The following NUDC variants were observed in gnomAD, a reference collection of about 807,000 sequenced individuals.
NUDC encodes the protein nuclear migration protein nudC.
Under a neutral mutation model 45.0 loss-of-function variants are expected in NUDC, and 14 were observed. The ratio of observed to expected loss-of-function variants is 0.31; its 90% CI spans 0.21 to 0.49. The LOEUF is 0.49. NUDC is among the 20% of genes least tolerant of loss of function. The probability of loss-of-function intolerance (pLI) is 0.99; values close to 1 mark genes in which losing one functional copy is unlikely to be tolerated. For missense variants in NUDC, 323 were observed against 426.2 expected (o/e 0.76, Z 2.13); for synonymous variants, 153 against 156.7 (o/e 0.98, Z 0.17).
upstream of NUDC, chr1:26,900,224 A>G: frequency 6.2e-7 from 1 of 1,614,198 alleles, no homozygotes; most frequent in Non-Finnish European, 8.5e-7. Flanking sequence ...GCTGGCCCTC[A>G]GCGGCTGGGT....
chr1:26,937,356 A>G (rs2082243408), intron 2 of NUDC, among the ~76,000 whole-genome samples: 1 of 152,110 alleles, frequency 6.6e-6, no homozygotes, highest in Non-Finnish European at 1.5e-5. Flanking sequence ...TTCAGTTCAC[A>G]GCAACCTCCG....
rs184020396 is a variant in NUDC, at chr1:26,934,921, T to C, written c.160-6536T>C. ...ATCCACTTGCCTTGGCCTCCCAAAG[T>C]GCTGGGATTACAGGCGTGAACCACC... On this transcript the variant is annotated intron_variant, in intron 2 of 8. Coordinates refer to ENST00000321265, the MANE Select transcript of NUDC (RefSeq NM_006600.4). 5.5e-3 allele frequency among the ~76,000 whole-genome samples: 837 copies of C among 152,224 alleles called. 10 individuals carry two copies. Among genetic ancestry groups the C allele is most frequent in the African/African-American group, 0.019 (807 of 41,552 alleles).
intron 6 of NUDC, 145 bp downstream of exon 6, chr1:26,943,210 C>CT (rs766844865): frequency 4.4e-6 from 4 of 913,464 alleles, no homozygotes; most frequent in Non-Finnish European, 7.0e-6. Flanking sequence ...AGATCTGTCT[C>CT]TATTTTATTT....
chr1:26,936,210 A>G (rs1389902274), intron 2 of NUDC, among the ~76,000 whole-genome samples: 2 of 38,948 alleles, frequency 5.1e-5, no homozygotes, highest in East Asian at 1.9e-3. Flanking sequence ...TTTTTTTGAG[A>G]TGGAGTTTTG....
intron 2 of NUDC, among the ~76,000 whole-genome samples, chr1:26,909,262 A>C (rs777037963): frequency 2.0e-5 from 3 of 152,164 alleles, no homozygotes; most frequent in African/African-American, 4.8e-5. Context: ...GGTGTGAGCC[A>C]CTGAGCCCGG....
intron 2 of NUDC, among the ~76,000 whole-genome samples, chr1:26,929,322 C>T (rs2082159647): frequency 6.6e-6 from 1 of 151,576 alleles, no homozygotes. Context: ...CCTGTAATCC[C>T]AGCTACTTGG....
intron 3 of NUDC, chr1:26,911,708 G>A: frequency 1.0e-6 from 1 of 975,740 alleles, no homozygotes; most frequent in East Asian, 2.6e-5. Flanking sequence ...GCTGAGTGAA[G>A]AGCTGTTCCT....
intron 2 of NUDC, among the ~76,000 whole-genome samples, chr1:26,936,947 A>G (rs998441027): frequency 6.6e-6 from 1 of 152,106 alleles, no homozygotes; most frequent in Non-Finnish European, 1.5e-5. Flanking sequence ...ACTCAGTCCC[A>G]TAAGACAGTG....
At chr1:26,941,921 C>T in intron 4 of NUDC, 103 bp downstream of exon 4, 3 of 1,080,698 alleles carry the variant, frequency 2.8e-6, no homozygotes, top group South Asian at 1.3e-5. Flanking sequence ...ATCCTATCCC[C>T]TCCCCTCCTG....
chr1:26,929,424 A>C (rs2082160721), intron 2 of NUDC, among the ~76,000 whole-genome samples: 1 of 151,996 alleles, frequency 6.6e-6, no homozygotes, highest in Non-Finnish European at 1.5e-5. Flanking sequence ...AAAAAAAAAA[A>C]ACAAATTAAA....
chr1:26,922,058 G>A (rs2082096011), intron 1 of NUDC, 129 bp downstream of exon 1: 2 of 963,422 alleles, frequency 2.1e-6, no homozygotes, highest in Non-Finnish European at 3.1e-6. Context: ...CATTCTCACT[G>A]CGCCCAGCTT....
At chr1:26,937,011 AC>A (rs1162075020) in intron 2 of NUDC, among the ~76,000 whole-genome samples, 2 of 152,188 alleles carry the variant, frequency 1.3e-5, no homozygotes. Flanking sequence ...CTTCTGACCA[AC>A]CAGCTGTAAA....
In NUDC at chr1:26,903,738, C is replaced by T. The variant is rs549141344; in HGVS notation, c.-16+1372C>T. ...ATAAAAATAAAAAATAAGCCGGGCG[C>T]GGTGGCTCACACCTGTAATTCCAGC... On this transcript the variant is annotated intron_variant, in intron 2 of 6. Coordinates refer to the NUDC transcript ENST00000435827. 9.2e-5 allele frequency among the ~76,000 whole-genome samples: 14 copies of T among 152,126 alleles called. No individual in the cohort carries two copies. The East Asian group carries it at 9.7e-4, about 11-fold the overall frequency.
upstream of NUDC, among the ~76,000 whole-genome samples, chr1:26,920,317 C>T (rs2082082676): frequency 6.6e-6 from 1 of 151,842 alleles, no homozygotes. Context: ...TGGTGAAAAC[C>T]CCTCTACTAA....
At chr1:26,940,731 G>A (rs1222319847) in intron 2 of NUDC, among the ~76,000 whole-genome samples, 1 of 152,124 alleles carries the variant, frequency 6.6e-6, no homozygotes, top group African/African-American at 2.4e-5. Flanking sequence ...TGTCACCCAT[G>A]CTGGAGTGCA....
chr1:26,900,259 G>C, exon 1 of NUDC: 2 of 1,614,096 alleles, frequency 1.2e-6, no homozygotes, highest in Non-Finnish European at 1.7e-6. Context: ...GCAGAGTTAG[G>C]AGCGGCCTGC....
At chr1:26,943,204 C>T in intron 6 of NUDC, 139 bp downstream of exon 6, 1 of 926,554 alleles carries the variant, frequency 1.1e-6, no homozygotes, top group Non-Finnish European at 1.7e-6. Flanking sequence ...TAAAGTAGAT[C>T]TGTCTCTATT....
intron 2 of NUDC, among the ~76,000 whole-genome samples, chr1:26,905,167 T>A (rs1282109700): frequency 2.0e-3 from 279 of 140,546 alleles, no homozygotes; most frequent in Non-Finnish European, 3.4e-3. Context: ...ATTTTTTTTT[T>A]TTTTTTTTTT....
intron 1 of NUDC, among the ~76,000 whole-genome samples, chr1:26,923,061 A>T (rs1301560279): frequency 6.6e-6 from 1 of 152,180 alleles, no homozygotes; most frequent in Non-Finnish European, 1.5e-5. Flanking sequence ...GTGTGTGCTG[A>T]CCTTGAGTCA....
Sources: allele counts gnomAD v4.1 joint callset (sites outside exome capture counted in the v4.1 genomes callset), GRCh38; gene constraint gnomAD v4.1.1; transcripts MANE v1.5; gene names NCBI Gene and HGNC (gene_info 2026-07-23, HGNC 2026-07-21).